Variants in GPR149 observed in about 807,000 individuals in gnomAD.
GPR149 encodes G protein-coupled receptor 149.
A neutral mutation model predicts 50.2 loss-of-function variants in GPR149; 50 were observed. The observed-to-expected ratio is 1.00, with a 90% confidence interval of 0.79 to 1.26. The LOEUF is 1.26. Among genes scored for constraint, GPR149 ranks in the 50% most tolerant of loss-of-function variants. The pLI is 0.00. For missense variants in GPR149, 983 were observed against 895.4 expected (o/e 1.10, Z -1.25); for synonymous variants, 405 against 358.2 (o/e 1.13, Z -1.48).
chr3:154,378,693 T>G (rs1012237139), intron 3 of GPR149, among the ~76,000 whole-genome samples: 2 of 152,204 alleles, frequency 1.3e-5, no homozygotes, highest in Non-Finnish European at 2.9e-5. Context: ...CCACCAGCAA[T>G]GCACGTTTCA....
At chr3:154,398,617 A>AT (rs1256350841) in intron 3 of GPR149, among the ~76,000 whole-genome samples, 1 of 152,126 alleles carries the variant, frequency 6.6e-6, no homozygotes, top group Non-Finnish European at 1.5e-5. Context: ...CAACCCTATA[A>AT]TATCATGGGG....
intron 3 of GPR149, among the ~76,000 whole-genome samples, chr3:154,357,593 C>T (rs1205118303): frequency 5.9e-5 from 9 of 152,232 alleles, no homozygotes; most frequent in South Asian, 2.1e-4. Context: ...CAATGAGATA[C>T]CATCTCACAC....
At chr3:154,342,196 A>G (rs1295566996) in intron 3 of GPR149, among the ~76,000 whole-genome samples, 1 of 152,212 alleles carries the variant, frequency 6.6e-6, no homozygotes, top group Admixed American at 6.5e-5. Context: ...ATAGAAATAT[A>G]TACTATAAAC....
chr3:154,362,390 C>T (rs532018653), intron 3 of GPR149, among the ~76,000 whole-genome samples: 1 of 151,798 alleles, frequency 6.6e-6, no homozygotes, highest in South Asian at 2.1e-4. Context: ...GGAGAAATAT[C>T]TTGCTAGATT....
chr3:154,388,870 A>AC (rs5853693), intron 3 of GPR149, among the ~76,000 whole-genome samples: 102,938 of 139,312 alleles, frequency 0.74, 37,279 homozygotes, highest in South Asian at 0.84. Flanking sequence ...CACATATGAA[A>AC]AACACACACA....
intron 3 of GPR149, among the ~76,000 whole-genome samples, chr3:154,361,056 C>A (rs887035708): frequency 6.6e-6 from 1 of 152,074 alleles, no homozygotes; most frequent in African/African-American, 2.4e-5. Context: ...ACGGAAAATT[C>A]TTTTCTAAAA....
intron 3 of GPR149, among the ~76,000 whole-genome samples, chr3:154,419,962 C>T (rs1265728148): frequency 1.3e-5 from 2 of 151,898 alleles, no homozygotes; most frequent in Non-Finnish European, 2.9e-5. Context: ...GCACAATTGT[C>T]TCTTTGTATA....
chr3:154,421,127 T>A lies in GPR149; in HGVS notation c.1535A>T (p.Glu512Val). Residue 512 changes from glutamate (E) to valine (V), a missense_variant, in exon 3 of 4, where the codon GAA becomes GTA. Transcript: ENST00000389740. ...ACTCTCTTCATGAGACAGTCTTCTT[T>A]CTGGCCCTTCAGAAAAGGTAGTTTC... ...YEETTFSEGP[E>V]RRLSHEESQK... The A allele has an allele frequency of 6.2e-7, 1 of 1,613,294 alleles. No individual in the cohort carries two copies. The highest frequency in any genetic ancestry group is 2.2e-5 in the East Asian group (1 of 44,880).
At chr3:154,426,187 T>A (rs1372429452) in intron 2 of GPR149, among the ~76,000 whole-genome samples, 1 of 152,222 alleles carries the variant, frequency 6.6e-6, no homozygotes, top group Non-Finnish European at 1.5e-5. Context: ...ATCATTATTA[T>A]AAGTTCTAAG....
chr3:154,339,759 G>T (rs1451590435), intron 3 of GPR149, among the ~76,000 whole-genome samples: 1 of 151,114 alleles, frequency 6.6e-6, no homozygotes, highest in African/African-American at 2.4e-5. Context: ...TTTCATTGGG[G>T]GTGCCTTCAT....
intron 3 of GPR149, among the ~76,000 whole-genome samples, chr3:154,362,086 G>A (rs1407015593): frequency 2.6e-5 from 4 of 152,010 alleles, no homozygotes; most frequent in Non-Finnish European, 5.9e-5. Context: ...TCAGGAGATC[G>A]AGACCATCCT....
chr3:154,419,208 T>G (rs979285947), intron 3 of GPR149, among the ~76,000 whole-genome samples: 2 of 152,090 alleles, frequency 1.3e-5, no homozygotes, highest in African/African-American at 4.8e-5. Context: ...CCTGGATTGA[T>G]CAAAGTTTTA....
At position 154,429,032 on chromosome 3, in the gene GPR149, G is replaced by C; in HGVS notation, c.584C>G (p.Ser195Cys). The C allele has an allele frequency of 6.2e-7, 1 of 1,614,026 alleles. No homozygotes were observed. The highest frequency in any genetic ancestry group is 8.5e-7 in the Non-Finnish European group (1 of 1,180,032). The change falls in exon 1 of 4, where the codon TCT becomes TGT. Residue 195 changes from serine to cysteine, a missense_variant. Coordinates refer to ENST00000389740, the MANE Select transcript of GPR149 (RefSeq NM_001038705.3). ...TCCGAAGGCCAAAGCGTACACGATA[G>C]AGAGGAATAGTACGTAGGAGCTGGA... is the stretch of plus-strand genomic sequence containing the variant. ...DCSSSYVLFL[S>C]IVYALAFGLL...
At chr3:154,370,575 C>T (rs1714641484) in intron 3 of GPR149, among the ~76,000 whole-genome samples, 1 of 152,152 alleles carries the variant, frequency 6.6e-6, no homozygotes, top group Admixed American at 6.5e-5. Context: ...GATGAAGGCC[C>T]TCTGGACCAG....
chr3:154,413,432 A>G (rs1711897066), intron 3 of GPR149, among the ~76,000 whole-genome samples: 1 of 152,040 alleles, frequency 6.6e-6, no homozygotes, highest in African/African-American at 2.4e-5. Flanking sequence ...TCTAGAATCT[A>G]CAAAGAACTC....
At chr3:154,425,065 A>AAAACG (rs1220260387) in intron 2 of GPR149, among the ~76,000 whole-genome samples, 1 of 151,762 alleles carries the variant, frequency 6.6e-6, no homozygotes, top group Non-Finnish European at 1.5e-5. Flanking sequence ...AAAACAAAAC[A>AAAACG]ACAACAACAA....
intron 2 of GPR149, among the ~76,000 whole-genome samples, chr3:154,425,061 A>AC (rs1553767367): frequency 4.6e-5 from 7 of 152,062 alleles, no homozygotes; most frequent in Admixed American, 3.9e-4. Context: ...AAACAAAACA[A>AC]AACAACAACA....
intron 3 of GPR149, among the ~76,000 whole-genome samples, chr3:154,350,751 A>G (rs1474928288): frequency 6.6e-6 from 1 of 152,226 alleles, no homozygotes; most frequent in Non-Finnish European, 1.5e-5. Flanking sequence ...AAAAATAAAT[A>G]CAGTTGATCT....
chr3:154,395,669 G>A (rs1576920509), intron 3 of GPR149, among the ~76,000 whole-genome samples: 1 of 151,970 alleles, frequency 6.6e-6, no homozygotes, highest in African/African-American at 2.4e-5. Context: ...GGTGGTGTGT[G>A]CCTGTAGTTC....
Sources: allele counts gnomAD v4.1 joint callset (sites outside exome capture counted in the v4.1 genomes callset), GRCh38; gene constraint gnomAD v4.1.1; transcripts MANE v1.5; gene names NCBI Gene and HGNC (gene_info 2026-07-23, HGNC 2026-07-21).